Variants in CCDC136 observed in about 807,000 individuals in gnomAD.
CCDC136 encodes the protein coiled-coil domain containing 136.
In CCDC136, 100 loss-of-function variants were observed where a neutral mutation model predicts 141.2. The ratio of observed to expected loss-of-function variants is 0.71; its 90% confidence interval spans 0.60 to 0.84. CCDC136 has a LOEUF of 0.84. Among genes scored for constraint, CCDC136 ranks in the 40% least tolerant of loss-of-function variants. The pLI, the probability that CCDC136 is intolerant of heterozygous loss-of-function variation, is 0.00. For missense variants in CCDC136, 1,206 were observed against 1,379.4 expected (o/e 0.87, Z 1.99); for synonymous variants, 474 against 531.9 (o/e 0.89, Z 1.50).
In CCDC136 at chr7:128,814,870, T is replaced by G; in HGVS notation, c.2996T>G (p.Val999Gly). 1 of 1,607,100 alleles carries G rather than the reference T, an allele frequency of 6.2e-7. No individual in the cohort carries two copies. Among genetic ancestry groups the G allele is most frequent in the Non-Finnish European group, 8.5e-7 (1 of 1,176,672 alleles). Residue 999 changes from valine (V) to glycine (G), a missense_variant, in exon 15 of 18, where the codon GTG (valine) becomes GGG (glycine). Transcript: ENST00000297788. ...KNANGVKMKK[V>G]TKPCSDTSES... ...GCCAATGGGGTTAAAATGAAAAAGG[T>G]GACCAAGCCATGCTCGGATACTTCT...
Position 128,805,579 on chromosome 7 carries a change from C to T in CCDC136, c.948+55C>T. On this transcript the variant is annotated intron_variant, in intron 6 of 17. Coordinates refer to ENST00000297788, the MANE Select transcript of CCDC136 (RefSeq NM_022742.5). This position sits in a 1 kb window ranked among gnomAD's most constrained non-coding sequence, Gnocchi z 4.6. ...ACATTTCTTGTCTTTCTTTCACCTT[C>T]TCCCAGCCTGTGGTAGAAACATCTC... 1 of 1,560,718 alleles carries T rather than the reference C, an allele frequency of 6.4e-7. No homozygotes were observed. Among genetic ancestry groups the T allele is most frequent in the South Asian group, 1.2e-5 (1 of 81,296 alleles).
rs1278580439 is a variant in CCDC136, at chr7:128,822,128, A to G, written c.*335A>G. On this transcript the variant is annotated 3_prime_UTR_variant, in exon 18 of 18. Coordinates refer to ENST00000297788, the MANE Select transcript of CCDC136 (RefSeq NM_022742.5). ...CTTGTAATTAAATATCAACTGAATT[A>G]CATGAGACTGTGGATTTTTATTTGC... 2.6e-6 allele frequency: 3 copies of G among 1,167,526 alleles called. No individual in the cohort carries two copies. Among genetic ancestry groups the G allele is most frequent in the Non-Finnish European group, 3.2e-6 (3 of 927,198 alleles). The allele number at this position is 1,167,526 out of a possible 1,614,324, so 72.3% of individuals were successfully genotyped here. A position where few individuals can be genotyped will look rare whatever the true frequency, so the allele number is the denominator to read the frequency against.
chr7:128,800,221 C>T (rs1803796472), intron 3 of CCDC136, among the ~76,000 whole-genome samples: 1 of 152,084 alleles, frequency 6.6e-6, no homozygotes, highest in Admixed American at 6.5e-5. Context: ...TTGTTTTCAC[C>T]ATAGATCTGA....
At chr7:128,818,548 T>C (rs956323690) in intron 17 of CCDC136, among the ~76,000 whole-genome samples, 1 of 152,246 alleles carries the variant, frequency 6.6e-6, no homozygotes, top group Non-Finnish European at 1.5e-5. Flanking sequence ...TTATTAGTTA[T>C]CTATTTATCT....
At chr7:128,811,090 G>A (rs1171037990) in intron 12 of CCDC136, among the ~76,000 whole-genome samples, 2 of 152,178 alleles carry the variant, frequency 1.3e-5, no homozygotes, top group Non-Finnish European at 2.9e-5. Flanking sequence ...AGACAGTTTC[G>A]GTTTAGGCCA....
intron 17 of CCDC136, among the ~76,000 whole-genome samples, chr7:128,818,670 C>A (rs983440082): frequency 1.3e-5 from 2 of 152,304 alleles, no homozygotes; most frequent in Non-Finnish European, 2.9e-5. Flanking sequence ...CTCAGGAAAT[C>A]AAGACTGATA....
intron 3 of CCDC136, among the ~76,000 whole-genome samples, chr7:128,796,733 A>T (rs1431576697): frequency 8.2e-6 from 1 of 121,290 alleles, no homozygotes; most frequent in African/African-American, 4.2e-5. Flanking sequence ...ATATATATAT[A>T]TATATATTCT....
rs1189415174 is a variant in CCDC136 at position 128,794,919 on chromosome 7, C to T, written c.346+151C>T. ...TTCCTCTACTAGTCTCACCCTTTTC[C>T]TCTCCTTGTCTCTCCATCCTCCTCT... On this transcript the variant is annotated intron_variant, in intron 3 of 17. Coordinates refer to ENST00000297788, the MANE Select transcript of CCDC136 (RefSeq NM_022742.5). This position sits in a 1 kb window ranked among gnomAD's most constrained non-coding sequence, Gnocchi z 4.3. Among the ~76,000 whole-genome samples, 1 of 152,172 alleles carries T rather than the reference C, an allele frequency of 6.6e-6. No individual in the cohort carries two copies. The highest frequency in any genetic ancestry group is 1.9e-4 in the East Asian group (1 of 5,206).
intron 3 of CCDC136, among the ~76,000 whole-genome samples, chr7:128,800,802 T>C (rs1803909134): frequency 6.6e-6 from 1 of 152,216 alleles, no homozygotes; most frequent in African/African-American, 2.4e-5. Context: ...AAATAGTCTG[T>C]ATACATTTTT....
At chr7:128,811,775 A>G (rs1257599621) in intron 12 of CCDC136, 25 bp from the exon 13 acceptor site, 5 of 1,540,188 alleles carry the variant, frequency 3.2e-6, no homozygotes, top group Admixed American at 2.1e-5. Flanking sequence ...GAGTAATGAT[A>G]CTGTCTCCCC....
Position 128,807,351 on chromosome 7 carries a change from C to T in CCDC136, c.1420-9C>T, listed in dbSNP as rs376990336. ...TGGGATGATGGCCAGGCCTGCCTCCCCTGCCCAGGACACAGAGACGCACGC... is the reference window on the plus strand; with the variant it reads ...TGGGATGATGGCCAGGCCTGCCTCCTCTGCCCAGGACACAGAGACGCACGC... On this transcript the variant is annotated splice_polypyrimidine_tract_variant and intron_variant, in intron 9 of 17. Transcript: ENST00000297788. 809 of 1,469,044 alleles carry T rather than the reference C, an allele frequency of 5.5e-4. 7 individuals carry two copies. The highest frequency in any genetic ancestry group is 4.3e-3 in the South Asian group (302 of 69,664). 91.0% of individuals were successfully genotyped at this position (1,469,044 alleles called of 1,614,324 possible). A position where few individuals can be genotyped will look rare whatever the true frequency, so the allele number is the denominator to read the frequency against.
Position 128,815,725 on chromosome 7 carries a change from G to A in CCDC136, c.3157G>A (p.Glu1053Lys), listed in dbSNP as rs371133316. 2.5e-5 allele frequency: 39 copies of A among 1,557,916 alleles called. No individual in the cohort carries two copies. The highest frequency in any genetic ancestry group is 1.9e-4 in the East Asian group (8 of 41,188). The change falls in exon 16 of 18, where the codon GAA becomes AAA. Residue 1053 changes from glutamate to lysine, a missense_variant. Transcript: ENST00000297788. Reference protein sequence around the residue: ...MEEEKKQVKEEAKEQCGDELV... With the variant: ...MEEEKKQVKEKAKEQCGDELV... ...GGAGGAAAAAAAGCAAGTGAAAGAG[G>A]AAGCAAAGGAGCAGTGTGGGGATGA...
chr7:128,796,880 T>C (rs954408948), intron 3 of CCDC136, among the ~76,000 whole-genome samples: 1 of 148,576 alleles, frequency 6.7e-6, no homozygotes, highest in Non-Finnish European at 1.5e-5. Context: ...TAGCTGGGAC[T>C]ACAGGCGCCC....
In CCDC136 at chr7:128,804,715, A is replaced by G. The variant is rs761158050; in HGVS notation, c.736A>G (p.Ser246Gly). 58 of 1,600,758 alleles carry G rather than the reference A, an allele frequency of 3.6e-5. No homozygotes were observed. In the Admixed American group the frequency reaches 1.0e-3, roughly 28 times the overall value. ...TGAGGAATACCGGGCCCTGCAGGAG[A>G]GCAACAGCAGCCTCACGGGGCAGCT... ...LNEEYRALQE[S>G]NSSLTGQLAD... Residue 246 changes from serine (S) to glycine (G), a missense_variant, in exon 5 of 18, where the codon AGC becomes GGC. Coordinates refer to ENST00000297788, the MANE Select transcript of CCDC136 (RefSeq NM_022742.5).
intron 16 of CCDC136, among the ~76,000 whole-genome samples, chr7:128,816,362 A>G (rs1806632567): frequency 6.6e-6 from 1 of 152,100 alleles, no homozygotes; most frequent in South Asian, 2.1e-4. Context: ...GTGCCCTGTT[A>G]GGTTTAACCT....
At chr7:128,796,722 A>AATATATATATATATATAT (rs149502865) in intron 3 of CCDC136, among the ~76,000 whole-genome samples, 27 of 120,698 alleles carry the variant, frequency 2.2e-4, no homozygotes, top group African/African-American at 1.0e-3. Flanking sequence ...GATGATTCAG[A>AATATATATATATATATAT]ATATATATAT....
At chr7:128,796,797 AGTGGCGGGATCTC>A (rs1803074244) in intron 3 of CCDC136, among the ~76,000 whole-genome samples, 1 of 136,682 alleles carries the variant, frequency 7.3e-6, no homozygotes, top group Non-Finnish European at 1.6e-5. Context: ...GCTGGAGTGC[AGTGGCGGGATCTC>A]GGCTCACTGC....
chr7:128,799,406 G>C (rs1366115682), intron 3 of CCDC136, among the ~76,000 whole-genome samples: 2 of 151,780 alleles, frequency 1.3e-5, no homozygotes, highest in African/African-American at 4.8e-5. Flanking sequence ...GAGATACTTA[G>C]CAAAAGTTTG....
Position 128,801,607 on chromosome 7 carries a change from A to C in CCDC136, c.670+98A>C, listed in dbSNP as rs1347225876. 4.4e-6 allele frequency: 4 copies of C among 900,806 alleles called. No homozygotes were observed. The East Asian group carries it at 1.1e-4, about 24-fold the overall frequency. 55.8% of individuals were successfully genotyped at this position (900,806 alleles called of 1,614,324 possible). On this transcript the variant is annotated intron_variant, in intron 4 of 17. Transcript: ENST00000297788. Reference sequence around the variant, plus strand: ...GGTGGTGTTAGATCATGAATTGGGAATCTCTAGAAAAAACCTCCAGGTTGA... The same window carrying C: ...GGTGGTGTTAGATCATGAATTGGGACTCTCTAGAAAAAACCTCCAGGTTGA...
Sources: allele counts gnomAD v4.1 joint callset (sites outside exome capture counted in the v4.1 genomes callset), GRCh38; gene constraint gnomAD v4.1.1; non-coding constraint Gnocchi (gnomAD v3.1); transcripts MANE v1.5; gene names NCBI Gene and HGNC (gene_info 2026-07-23, HGNC 2026-07-21).